Variants in CAMK1D observed in about 807,000 individuals in gnomAD.
CAMK1D encodes calcium/calmodulin-dependent protein kinase type 1D.
Under a neutral mutation model 47.7 loss-of-function variants are expected in CAMK1D, and 9 were observed. The ratio of observed to expected loss-of-function variants is 0.19; its 90% CI spans 0.11 to 0.33. CAMK1D has a LOEUF of 0.33. Ranked by LOEUF, CAMK1D falls within the 10% of genes least tolerant of loss-of-function variation. The probability of loss-of-function intolerance (pLI) is 1.00; values close to 1 mark genes in which losing one functional copy is unlikely to be tolerated. For missense variants in CAMK1D, 291 were observed against 488.7 expected (o/e 0.60, Z 3.81); for synonymous variants, 184 against 184.9 (o/e 0.99, Z 0.04).
At chr10:12,642,350 C>T (rs901390219) in intron 2 of CAMK1D, among the ~76,000 whole-genome samples, 4 of 152,170 alleles carry the variant, frequency 2.6e-5, no homozygotes, top group Middle Eastern at 3.2e-3. Context: ...TTGAATGAAT[C>T]GTTGACTGTC....
intron 1 of CAMK1D, among the ~76,000 whole-genome samples, chr10:12,534,696 T>C (rs998484426): frequency 3.3e-5 from 5 of 152,140 alleles, no homozygotes; most frequent in Non-Finnish European, 5.9e-5. Context: ...CTTAACAAAA[T>C]AAGCCATTAT....
chr10:12,557,339 GGA>G (rs751509878), intron 2 of CAMK1D, among the ~76,000 whole-genome samples: 97 of 152,054 alleles, frequency 6.4e-4, no homozygotes, highest in Non-Finnish European at 1.2e-3. Flanking sequence ...CACGAGGTCA[GGA>G]GATCGAGACA....
At chr10:12,356,137 G>GA (rs1174806541) in intron 1 of CAMK1D, among the ~76,000 whole-genome samples, 113 of 140,412 alleles carry the variant, frequency 8.0e-4, no homozygotes, top group African/African-American at 1.2e-3. Flanking sequence ...GTCTCAAAAA[G>GA]AAAAAAAAAA....
At chr10:12,763,541 G>A (rs948449180) in intron 4 of CAMK1D, among the ~76,000 whole-genome samples, 6 of 152,168 alleles carry the variant, frequency 3.9e-5, no homozygotes, top group Non-Finnish European at 7.3e-5. Context: ...TGCACCATTG[G>A]CATTCAGCCC....
intron 1 of CAMK1D, among the ~76,000 whole-genome samples, chr10:12,515,418 C>CT (rs55732103): frequency 0.34 from 33,333 of 97,948 alleles, 4,982 homozygotes; most frequent in East Asian, 0.51. Flanking sequence ...TTTTTTTTTT[C>CT]TTTTTTTTTT....
In CAMK1D at chr10:12,767,341, G is replaced by C. The variant is rs562134330; in HGVS notation, c.439-2332G>C. 3.7e-4 allele frequency among the ~76,000 whole-genome samples: 56 copies of C among 151,962 alleles called. No homozygotes were observed. In the South Asian group the frequency reaches 0.011, roughly 29 times the overall value. On this transcript the variant is annotated intron_variant, in intron 4 of 10. Transcript: ENST00000619168. Reference sequence around the variant, plus strand: ...TACAGGCGCCCGCCACCATGCCTGGGTAATTTTGTATTTTTAGTAGAGACG... The same window carrying C: ...TACAGGCGCCCGCCACCATGCCTGGCTAATTTTGTATTTTTAGTAGAGACG...
At chr10:12,435,245 AAG>A (rs1478533607) in intron 1 of CAMK1D, among the ~76,000 whole-genome samples, 2 of 150,854 alleles carry the variant, frequency 1.3e-5, no homozygotes, top group Non-Finnish European at 3.0e-5. Flanking sequence ...AAAAAAAAAA[AAG>A]AAAAGGTGAT....
At chr10:12,690,900 C>T (rs917549905) in intron 3 of CAMK1D, among the ~76,000 whole-genome samples, 1 of 152,114 alleles carries the variant, frequency 6.6e-6, no homozygotes, top group African/African-American at 2.4e-5. Context: ...CTTAGTAACA[C>T]GGGATACGTG....
chr10:12,713,419 C>T (rs1834008032), intron 3 of CAMK1D, among the ~76,000 whole-genome samples: 2 of 152,126 alleles, frequency 1.3e-5, no homozygotes, highest in Admixed American at 1.3e-4. Context: ...TAACTTTGCT[C>T]CCACGAATTC....
intron 3 of CAMK1D, among the ~76,000 whole-genome samples, chr10:12,677,574 G>A (rs1840854466): frequency 6.6e-6 from 1 of 152,150 alleles, no homozygotes; most frequent in African/African-American, 2.4e-5. Flanking sequence ...CTTAAATGGA[G>A]GGTGATTAAG....
At chr10:12,828,729 C>T in intron 10 of CAMK1D, 40 bp from the exon 11 acceptor site, 2 of 1,474,118 alleles carry the variant, frequency 1.4e-6, no homozygotes, top group East Asian at 4.9e-5. Context: ...TGAGAATTTA[C>T]CTCTGAAACT....
At chr10:12,523,529 A>G (rs12770734) in intron 1 of CAMK1D, among the ~76,000 whole-genome samples, 76,406 of 150,580 alleles carry the variant, frequency 0.51, 19,618 homozygotes, top group South Asian at 0.62. Flanking sequence ...GATCACTCGC[A>G]GTTAGGAGCT....
At chr10:12,757,852 CTTTTT>C (rs869125453) in intron 3 of CAMK1D, among the ~76,000 whole-genome samples, 5 of 91,456 alleles carry the variant, frequency 5.5e-5, no homozygotes, top group East Asian at 3.1e-4. Context: ...GGGCCCTGCT[CTTTTT>C]TTTTTTTTTT....
intron 3 of CAMK1D, among the ~76,000 whole-genome samples, chr10:12,721,511 A>ACCAT (rs62870361): frequency 0.059 from 8,967 of 150,712 alleles, 486 homozygotes; most frequent in African/African-American, 0.14. Context: ...GCTACCATCC[A>ACCAT]CCATCCATCC....
At chr10:12,619,477 AGGGTTTTACT>A (rs1000389806) in intron 2 of CAMK1D, among the ~76,000 whole-genome samples, 2 of 152,110 alleles carry the variant, frequency 1.3e-5, no homozygotes, top group Non-Finnish European at 2.9e-5. Flanking sequence ...TGGTAGAGGA[AGGGTTTTACT>A]GTGTTGCCTA....
At chr10:12,480,903 G>C (rs1390772732) in intron 1 of CAMK1D, among the ~76,000 whole-genome samples, 1 of 152,242 alleles carries the variant, frequency 6.6e-6, no homozygotes, top group African/African-American at 2.4e-5. Context: ...AAATAAGACA[G>C]TGAAAGAGAT....
intron 1 of CAMK1D, among the ~76,000 whole-genome samples, chr10:12,544,714 G>C (rs1326019681): frequency 6.6e-6 from 1 of 151,290 alleles, no homozygotes; most frequent in Admixed American, 6.6e-5. Flanking sequence ...CTAGTGTTGA[G>C]TGGATAGTAC....
In CAMK1D at chr10:12,354,841, ATT is replaced by A. The variant is rs11432459; in HGVS notation, c.92+4948_92+4949del. ...GCAGCTCATTTCTGTTTGGAGGAAA[ATT>A]TTTTTTTTTTTTTTTTGAGACAGAG... On this transcript the variant is annotated intron_variant, in intron 1 of 10. Transcript: ENST00000619168. 1.6e-3 allele frequency among the ~76,000 whole-genome samples: 209 copies of A among 129,334 alleles called. 2 individuals carry two copies. Among genetic ancestry groups the A allele is most frequent in the African/African-American group, 5.7e-3 (194 of 33,956 alleles). 84.8% of individuals were successfully genotyped at this position (129,334 alleles called of 152,430 possible).
intron 1 of CAMK1D, among the ~76,000 whole-genome samples, chr10:12,441,098 A>G (rs1381996726): frequency 1.3e-5 from 2 of 152,204 alleles, no homozygotes; most frequent in Non-Finnish European, 2.9e-5. Flanking sequence ...TCGTCCTCCA[A>G]TCATACGTCA....
Sources: gnomAD v4.1 joint callset for allele counts (sites outside exome capture counted in the v4.1 genomes callset) on GRCh38, gnomAD v4.1.1 for gene constraint, MANE v1.5 for transcripts, NCBI Gene and HGNC (gene_info 2026-07-23, HGNC 2026-07-21) for gene names.